Variants in CACNA1B observed in about 807,000 individuals in gnomAD.
The protein encoded by CACNA1B is calcium voltage-gated channel subunit alpha1 B.
A neutral mutation model predicts 247.2 loss-of-function variants in CACNA1B; 70 were observed. The observed-to-expected ratio is 0.28, with a 90% CI of 0.23 to 0.35. The LOEUF is 0.35. CACNA1B is among the 10% of genes least tolerant of loss of function. The probability of loss-of-function intolerance (pLI) is 1.00; values close to 1 mark genes in which losing one functional copy is unlikely to be tolerated. For synonymous variants in CACNA1B, 1,231 were observed against 1,294.4 expected (o/e 0.95, Z 1.05); for missense variants, 2,367 against 3,197.4 (o/e 0.74, Z 6.26).
chr9:137,980,556 G>C (rs1280578555), intron 12 of CACNA1B, among the ~76,000 whole-genome samples: 1 of 152,222 alleles, frequency 6.6e-6, no homozygotes, highest in African/African-American at 2.4e-5. Context: ...ACACGTGCAG[G>C]TTTGTTACAT....
At chr9:138,061,980 T>C (rs1462366819) in intron 31 of CACNA1B, among the ~76,000 whole-genome samples, 1 of 152,178 alleles carries the variant, frequency 6.6e-6, no homozygotes, top group Non-Finnish European at 1.5e-5. Flanking sequence ...CTGGGGCTGG[T>C]GAGGACAGAG....
At chr9:138,027,197 AT>A (rs1460234020) in intron 20 of CACNA1B, among the ~76,000 whole-genome samples, 1 of 151,824 alleles carries the variant, frequency 6.6e-6, no homozygotes, top group Admixed American at 6.6e-5. Context: ...TTTTGCAAGC[AT>A]TTTCTCCCAT....
At chr9:138,098,876 T>C (rs1463616459) in intron 37 of CACNA1B, among the ~76,000 whole-genome samples, 1 of 152,154 alleles carries the variant, frequency 6.6e-6, no homozygotes, top group Non-Finnish European at 1.5e-5. Context: ...CAGCCTGGGC[T>C]CACCCTACGT....
At chr9:137,987,194 A>G (rs1958374534) in intron 15 of CACNA1B, among the ~76,000 whole-genome samples, 1 of 152,176 alleles carries the variant, frequency 6.6e-6, no homozygotes, top group Non-Finnish European at 1.5e-5. Context: ...TTATTCTCCG[A>G]GAACAAAAAC....
chr9:137,987,793 C>G (rs915609418), intron 15 of CACNA1B, among the ~76,000 whole-genome samples: 6 of 152,190 alleles, frequency 3.9e-5, no homozygotes, highest in Non-Finnish European at 8.8e-5. Flanking sequence ...CACCACAGTC[C>G]TCCATGACTG....
intron 6 of CACNA1B, among the ~76,000 whole-genome samples, chr9:137,949,331 T>G (rs1957850127): frequency 4.6e-4 from 2 of 4,374 alleles, no homozygotes; most frequent in Admixed American, 4.0e-3. Flanking sequence ...ATGGTGTGCG[T>G]GTAGGTGTGT....
rs2133220532 is a variant in CACNA1B at position 137,882,214 on chromosome 9, G to A, written c.391-530G>A. Among the ~76,000 whole-genome samples the A allele has an allele frequency of 6.6e-6, 1 of 152,346 alleles. No individual in the cohort carries two copies. Among genetic ancestry groups the A allele is most frequent in the South Asian group, 2.1e-4 (1 of 4,828 alleles). On this transcript the variant is annotated intron_variant, in intron 2 of 46. Coordinates refer to ENST00000371372, the MANE Select transcript of CACNA1B (RefSeq NM_000718.4). This position sits in a 1 kb window ranked among gnomAD's most constrained non-coding sequence, Gnocchi z 4.0. ...AGCTGTATCCAGGCAACCTTGTGCA[G>A]GTTCCCACCCAGAGGCTGCTGTGGC...
In CACNA1B at chr9:137,986,409, G is replaced by A. The variant is rs767961358; in HGVS notation, c.1770-4G>A. 1.1e-5 allele frequency: 17 copies of A among 1,613,426 alleles called. No individual in the cohort carries two copies. Among genetic ancestry groups the A allele is most frequent in the African/African-American group, 5.3e-5 (4 of 74,902 alleles). Reference sequence around the variant, plus strand: ...TGGCTCAGACCCCCTGCCTGGCCCCGCAGGTACTGGAGCTCCCTGCGGAAC... The same window carrying A: ...TGGCTCAGACCCCCTGCCTGGCCCCACAGGTACTGGAGCTCCCTGCGGAAC... On this transcript the variant is annotated splice_region_variant and splice_polypyrimidine_tract_variant and intron_variant, in intron 13 of 46. Transcript: ENST00000371372. This position sits in a 1 kb window ranked among gnomAD's most constrained non-coding sequence, Gnocchi z 6.0.
intron 38 of CACNA1B, among the ~76,000 whole-genome samples, chr9:138,103,586 C>T (rs2131351074): frequency 6.6e-6 from 1 of 152,254 alleles, no homozygotes; most frequent in African/African-American, 2.4e-5. Flanking sequence ...AAAACTGTTC[C>T]ATCTGCCCAG....
intron 37 of CACNA1B, among the ~76,000 whole-genome samples, chr9:138,099,648 T>C (rs140540362): frequency 0.016 from 2,421 of 147,630 alleles, 70 homozygotes; most frequent in African/African-American, 0.057. Flanking sequence ...GCCTGTGGTG[T>C]GCATGTGCCT....
intron 6 of CACNA1B, among the ~76,000 whole-genome samples, chr9:137,942,521 C>T (rs770783207): frequency 2.6e-5 from 4 of 152,176 alleles, no homozygotes; most frequent in Admixed American, 6.5e-5. Flanking sequence ...GACTTGCTCA[C>T]GCATGTTTAC....
At chr9:137,900,670 G>C (rs1957226326) in intron 3 of CACNA1B, among the ~76,000 whole-genome samples, 1 of 149,848 alleles carries the variant, frequency 6.7e-6, no homozygotes, top group South Asian at 2.1e-4. Flanking sequence ...CCCTGTGTTT[G>C]TGTATGTGTG....
chr9:138,015,090 T>C (rs1958774165), intron 18 of CACNA1B, among the ~76,000 whole-genome samples: 1 of 152,036 alleles, frequency 6.6e-6, no homozygotes, highest in African/African-American at 2.4e-5. Context: ...TGCCTCACGG[T>C]GGGTCTGGAG....
chr9:138,004,316 G>C (rs537706775), intron 15 of CACNA1B, among the ~76,000 whole-genome samples: 9 of 152,172 alleles, frequency 5.9e-5, no homozygotes, highest in South Asian at 4.1e-4. Flanking sequence ...GGAGGCTGAG[G>C]GGGGGCTGAT....
chr9:138,049,396 G>T, intron 24 of CACNA1B, 81 bp downstream of exon 24: 1 of 933,288 alleles, frequency 1.1e-6, no homozygotes. Context: ...TAAGGAAGAG[G>T]CCCTCTTGTG....
intron 20 of CACNA1B, among the ~76,000 whole-genome samples, chr9:138,036,428 C>T (rs10867097): frequency 0.16 from 24,584 of 152,194 alleles, 2,303 homozygotes; most frequent in East Asian, 0.44. Flanking sequence ...CGTGAGCCAC[C>T]GCTCCCGGCC....
intron 2 of CACNA1B, among the ~76,000 whole-genome samples, chr9:137,879,747 T>C (rs935346019): frequency 6.6e-6 from 1 of 152,134 alleles, no homozygotes; most frequent in African/African-American, 2.4e-5. Context: ...ATAGAGTCTG[T>C]GTGAGTCAGG....
In CACNA1B at chr9:138,102,878, C is replaced by G; in HGVS notation, c.5319+71C>G. 1 of 905,808 alleles carries G rather than the reference C, an allele frequency of 1.1e-6. No homozygotes were observed. Among genetic ancestry groups the G allele is most frequent in the Non-Finnish European group, 1.7e-6 (1 of 578,880 alleles). The allele number at this position is 905,808 out of a possible 1,614,324, so 56.1% of individuals were successfully genotyped here. A position where few individuals can be genotyped will look rare whatever the true frequency, so the allele number is the denominator to read the frequency against. ...TTGCTGAGGGGTGCTTGCTGGCTCT[C>G]CCAGCTCCTCTCCCTTTCAGGGTGC... is the stretch of plus-strand genomic sequence containing the variant. On this transcript the variant is annotated intron_variant, in intron 38 of 46. Coordinates refer to ENST00000371372, the MANE Select transcript of CACNA1B (RefSeq NM_000718.4). This position sits in a 1 kb window ranked among gnomAD's most constrained non-coding sequence, Gnocchi z 5.4.
rs1221635435 is a variant in CACNA1B, at chr9:137,950,701, T to C, written c.967-1573T>C. Among the ~76,000 whole-genome samples the C allele has an allele frequency of 6.6e-6, 1 of 152,212 alleles. No homozygotes were observed. Among genetic ancestry groups the C allele is most frequent in the Non-Finnish European group, 1.5e-5 (1 of 68,032 alleles). ...TTTGGTCGTCTGTGCCCCTTGGGCATTTCCAAATTTTAGGCTTCAGCAGCT... is the reference window on the plus strand; with the variant it reads ...TTTGGTCGTCTGTGCCCCTTGGGCACTTCCAAATTTTAGGCTTCAGCAGCT... On this transcript the variant is annotated intron_variant, in intron 6 of 46. Transcript: ENST00000371372. This position sits in a 1 kb window ranked among gnomAD's most constrained non-coding sequence, Gnocchi z 4.8.
Sources: gnomAD v4.1 joint callset for allele counts (sites outside exome capture counted in the v4.1 genomes callset) on GRCh38, gnomAD v4.1.1 for gene constraint, Gnocchi (gnomAD v3.1) non-coding constraint, MANE v1.5 for transcripts, NCBI Gene and HGNC (gene_info 2026-07-23, HGNC 2026-07-21) for gene names.